STK32B: variants seen among roughly 807,000 people sequenced by gnomAD.
The protein encoded by STK32B is serine/threonine-protein kinase 32B.
A neutral mutation model predicts 52.6 loss-of-function variants in STK32B; 43 were observed. The ratio of observed to expected loss-of-function variants is 0.82; its 90% CI spans 0.64 to 1.05. The LOEUF (loss-of-function observed/expected upper bound fraction) is 1.05, where lower values mean the gene tolerates loss of function less well. STK32B is among the 50% of genes least tolerant of loss of function. STK32B has a pLI of 0.00. For synonymous variants in STK32B, 238 were observed against 204.3 expected (o/e 1.17, Z -1.41); for missense variants, 621 against 534.6 (o/e 1.16, Z -1.59).
At position 5,075,665 on chromosome 4, in the gene STK32B, A is replaced by C. The variant is rs187644303; in HGVS notation, c.52+23750A>C. Among the ~76,000 whole-genome samples the C allele has an allele frequency of 2.4e-3, 360 of 152,260 alleles. 1 individual carries two copies. The highest frequency in any genetic ancestry group is 8.4e-3 in the African/African-American group (348 of 41,564). ...TTAAAATACATGCTTATTATAAAAA[A>C]ATTGAAAAATTTAGGAAACCTGAAA... is the stretch of plus-strand genomic sequence containing the variant. On this transcript the variant is annotated intron_variant, in intron 1 of 11. Coordinates refer to ENST00000282908, the MANE Select transcript of STK32B (RefSeq NM_018401.3).
chr4:5,480,872 G>T (rs1293955235), intron 11 of STK32B, among the ~76,000 whole-genome samples: 1 of 152,002 alleles, frequency 6.6e-6, no homozygotes, highest in African/African-American at 2.4e-5. Context: ...TGAGAATGAT[G>T]GTTTCCAGCT....
At chr4:5,234,240 A>G (rs1577224034) in intron 3 of STK32B, among the ~76,000 whole-genome samples, 1 of 152,360 alleles carries the variant, frequency 6.6e-6, no homozygotes, top group East Asian at 1.9e-4. Flanking sequence ...TGTACAAGTT[A>G]GATACTCTTA....
the STK32B span, among the ~76,000 whole-genome samples, chr4:5,022,144 C>T: frequency 3.3e-5 from 5 of 152,332 alleles, no homozygotes; most frequent in East Asian, 7.7e-4. Context: ...CAGGGTTCCT[C>T]CGCATCCTAT....
chr4:5,383,494 G>C (rs1736058402), intron 4 of STK32B, among the ~76,000 whole-genome samples: 1 of 152,218 alleles, frequency 6.6e-6, no homozygotes, highest in Non-Finnish European at 1.5e-5. Flanking sequence ...AGGACTCGTA[G>C]CATCCCATTG....
intron 11 of STK32B, among the ~76,000 whole-genome samples, chr4:5,485,062 G>T (rs1425305045): frequency 6.6e-6 from 1 of 151,684 alleles, no homozygotes; most frequent in Non-Finnish European, 1.5e-5. Context: ...TGACAGTTAT[G>T]TGTCTTGGAG....
chr4:5,266,283 C>G (rs1452509981), intron 3 of STK32B, among the ~76,000 whole-genome samples: 2 of 152,160 alleles, frequency 1.3e-5, no homozygotes, highest in African/African-American at 4.8e-5. Context: ...GAGAAATCAA[C>G]TTTTTAAGAT....
chr4:5,370,645 A>G (rs1340550913), intron 4 of STK32B, among the ~76,000 whole-genome samples: 1 of 152,088 alleles, frequency 6.6e-6, no homozygotes, highest in African/African-American at 2.4e-5. Flanking sequence ...TGTACTGGCC[A>G]TGGGACCTCA....
intron 1 of STK32B, among the ~76,000 whole-genome samples, chr4:5,120,151 G>A (rs1336604829): frequency 1.3e-5 from 2 of 152,184 alleles, no homozygotes; most frequent in African/African-American, 4.8e-5. Flanking sequence ...CCACGCTATA[G>A]ACACTGCGCC....
At position 5,469,092 on chromosome 4, in the gene STK32B, G is replaced by A. The variant is rs947927526; in HGVS notation, c.1106+1022G>A. On this transcript the variant is annotated intron_variant, in intron 11 of 11. Transcript: ENST00000282908. The surrounding 1 kb of genome is among the most constrained non-coding windows in gnomAD (Gnocchi z 4.7). Reference sequence around the variant, plus strand: ...ATTATCTAGGGGATTTGTGGCTGTGGCTGACTTGTCAGAGCTGGGGCTCCA... The same window carrying A: ...ATTATCTAGGGGATTTGTGGCTGTGACTGACTTGTCAGAGCTGGGGCTCCA... Among the ~76,000 whole-genome samples, 4 of 152,172 alleles carry A rather than the reference G, an allele frequency of 2.6e-5. No homozygotes were observed. Among genetic ancestry groups the A allele is most frequent in the Admixed American group, 6.5e-5 (1 of 15,282 alleles).
chr4:5,323,647 T>G (rs112289927), intron 3 of STK32B, among the ~76,000 whole-genome samples: 2,016 of 152,304 alleles, frequency 0.013, 44 homozygotes, highest in African/African-American at 0.046. Flanking sequence ...ATGCCCCACT[T>G]CTGTGTAGAC....
At chr4:5,072,938 C>G (rs537420329) in intron 1 of STK32B, among the ~76,000 whole-genome samples, 2 of 152,032 alleles carry the variant, frequency 1.3e-5, no homozygotes, top group Non-Finnish European at 2.9e-5. Context: ...GATGAATTGA[C>G]CCTTTATCAT....
intron 4 of STK32B, among the ~76,000 whole-genome samples, chr4:5,377,303 T>G (rs980096970): frequency 6.6e-6 from 1 of 152,208 alleles, no homozygotes; most frequent in African/African-American, 2.4e-5. Flanking sequence ...GGTGAAATAT[T>G]AAGAACTTAC....
At chr4:5,271,862 G>C (rs1560276463) in intron 3 of STK32B, among the ~76,000 whole-genome samples, 1 of 140,326 alleles carries the variant, frequency 7.1e-6, no homozygotes, top group Non-Finnish European at 1.5e-5. Flanking sequence ...TTTGTATCCT[G>C]AGACTTTGCT....
intron 9 of STK32B, among the ~76,000 whole-genome samples, chr4:5,463,174 C>A (rs534818409): frequency 1.3e-5 from 2 of 152,370 alleles, no homozygotes; most frequent in African/African-American, 4.8e-5. Context: ...GAGAAATATG[C>A]CCGCCTTCTT....
chr4:5,318,926 A>C (rs1418704299), intron 3 of STK32B, among the ~76,000 whole-genome samples: 1 of 151,596 alleles, frequency 6.6e-6, no homozygotes, highest in Non-Finnish European at 1.5e-5. Context: ...CAGCCTCCTC[A>C]GTATCTGGGA....
chr4:5,164,791 C>T (rs1718741894), intron 2 of STK32B, among the ~76,000 whole-genome samples: 2 of 152,240 alleles, frequency 1.3e-5, no homozygotes, highest in African/African-American at 4.8e-5. Flanking sequence ...AGCTCAAACT[C>T]TCTGTGACTC....
At chr4:5,342,317 T>C (rs1329017878) in intron 4 of STK32B, among the ~76,000 whole-genome samples, 1 of 152,080 alleles carries the variant, frequency 6.6e-6, no homozygotes, top group Non-Finnish European at 1.5e-5. Flanking sequence ...CCATCAATGG[T>C]AGACTGGATT....
At chr4:5,148,986 G>C (rs1270391254) in intron 2 of STK32B, among the ~76,000 whole-genome samples, 2 of 151,430 alleles carry the variant, frequency 1.3e-5, no homozygotes, top group Non-Finnish European at 3.0e-5. Context: ...TTTTCTTCTA[G>C]TACTCTTTAT....
intron 1 of STK32B, among the ~76,000 whole-genome samples, chr4:5,106,114 C>A (rs1163205134): frequency 6.6e-6 from 1 of 151,744 alleles, no homozygotes; most frequent in Non-Finnish European, 1.5e-5. Flanking sequence ...ACCAGGCTAG[C>A]CAACACGATG....
Sources: gnomAD v4.1 joint callset for allele counts (sites outside exome capture counted in the v4.1 genomes callset) on GRCh38, gnomAD v4.1.1 for gene constraint, Gnocchi (gnomAD v3.1) non-coding constraint, MANE v1.5 for transcripts, NCBI Gene and HGNC (gene_info 2026-07-23, HGNC 2026-07-21) for gene names.